The following SEMA4F variants were observed in gnomAD, a reference collection of about 807,000 sequenced individuals.
SEMA4F encodes the protein semaphorin-4F.
In SEMA4F, 51 loss-of-function variants were observed where a neutral mutation model predicts 78.4. The ratio of observed to expected loss-of-function variants is 0.65; its 90% CI spans 0.52 to 0.82. The LOEUF (loss-of-function observed/expected upper bound fraction) is 0.82, where lower values mean the gene tolerates loss of function less well. Ranked by LOEUF, SEMA4F falls within the 40% of genes least tolerant of loss-of-function variation. The pLI, the probability that SEMA4F is intolerant of heterozygous loss-of-function variation, is 0.00. For synonymous variants in SEMA4F, 418 were observed against 408.7 expected (o/e 1.02, Z -0.27); for missense variants, 938 against 1,014.4 (o/e 0.92, Z 1.02).
chr2:74,668,188 C>G (rs1038278788), intron 5 of SEMA4F, among the ~76,000 whole-genome samples: 4 of 152,302 alleles, frequency 2.6e-5, no homozygotes, highest in South Asian at 4.1e-4. Flanking sequence ...GAAGACTGCT[C>G]TTTCTCTTTG....
At position 74,654,356 on chromosome 2, in the gene SEMA4F, C is replaced by A; in HGVS notation, c.-21C>A. ...CAGAGGCCGTAGCTTGCGCCGCACCCGCGGCCAGGCGGAGCCAAAGATGCC... is the reference window on the plus strand; with the variant it reads ...CAGAGGCCGTAGCTTGCGCCGCACCAGCGGCCAGGCGGAGCCAAAGATGCC... On this transcript the variant is annotated 5_prime_UTR_variant, in exon 1 of 14. Transcript: ENST00000357877. The A allele has an allele frequency of 1.4e-6, 2 of 1,470,190 alleles. No homozygotes were observed. The highest frequency in any genetic ancestry group is 1.8e-6 in the Non-Finnish European group (2 of 1,118,416). 91.1% of individuals were successfully genotyped at this position (1,470,190 alleles called of 1,614,324 possible).
intron 5 of SEMA4F, among the ~76,000 whole-genome samples, chr2:74,668,642 G>T (rs1456561753): frequency 2.0e-5 from 3 of 147,988 alleles, no homozygotes; most frequent in African/African-American, 7.5e-5. Flanking sequence ...ACAGAGTCTT[G>T]CTCTGTCGCC....
chr2:74,665,936 C>CT (rs1684674859), intron 5 of SEMA4F, among the ~76,000 whole-genome samples: 1 of 147,662 alleles, frequency 6.8e-6, no homozygotes, highest in African/African-American at 2.5e-5. Flanking sequence ...GAGACGGAGT[C>CT]TCGCTCTGTC....
intron 4 of SEMA4F, among the ~76,000 whole-genome samples, chr2:74,662,100 T>G (rs917109272): frequency 6.6e-6 from 1 of 150,406 alleles, no homozygotes; most frequent in Non-Finnish European, 1.5e-5. Flanking sequence ...AGGAAGGTAC[T>G]TACTACCAAA....
rs28606560 is a variant in SEMA4F, at chr2:74,671,344, G to A, written c.551-2113G>A. Among the ~76,000 whole-genome samples the A allele has an allele frequency of 4.6e-3, 696 of 152,246 alleles. 6 individuals are homozygous for A. The highest frequency in any genetic ancestry group is 0.016 in the African/African-American group (668 of 41,544). ...GTTACCTTTCTGGTGCCTGAGACAC[G>A]CTGCTTCTCTGGAGCATCTGTGACC... is the stretch of plus-strand genomic sequence containing the variant. On this transcript the variant is annotated intron_variant, in intron 5 of 13. Transcript: ENST00000357877.
the SEMA4F span, among the ~76,000 whole-genome samples, chr2:74,708,377 C>A: frequency 1.3e-5 from 2 of 152,274 alleles, no homozygotes; most frequent in Non-Finnish European, 2.9e-5. Context: ...GGCACCCCAA[C>A]CCTTCCTTGC....
chr2:74,678,561 C>G (rs901281748), intron 12 of SEMA4F, among the ~76,000 whole-genome samples: 1 of 152,108 alleles, frequency 6.6e-6, no homozygotes, highest in Non-Finnish European at 1.5e-5. Context: ...GTGTTCAGAC[C>G]TTTTCACTGA....
At chr2:74,669,888 AG>A (rs1394348223) in intron 5 of SEMA4F, among the ~76,000 whole-genome samples, 3 of 152,062 alleles carry the variant, frequency 2.0e-5, no homozygotes, top group Non-Finnish European at 2.9e-5. Flanking sequence ...AAAATATCTT[AG>A]TTTTTTTTGC....
rs752906108 is a variant in SEMA4F, at chr2:74,680,164, G to A, written c.2268G>A (p.Arg756=). 1.9e-5 allele frequency: 30 copies of A among 1,597,702 alleles called. No individual in the cohort carries two copies. Among genetic ancestry groups the A allele is most frequent in the Non-Finnish European group, 2.5e-5 (29 of 1,168,178 alleles). ...LDPCPSPAHI[R]LTGAPLATCD... Reference sequence around the variant, plus strand: ...CTTGCCCAAGCCCAGCCCACATTCGGCTAACTGGGGCTCCTCTAGCCACAT... The same window carrying A: ...CTTGCCCAAGCCCAGCCCACATTCGACTAACTGGGGCTCCTCTAGCCACAT... The change falls in exon 14 of 14, where the codon CGG becomes CGA. Residue 756 remains arginine, a synonymous_variant. Transcript: ENST00000357877.
At chr2:74,708,132 G>GA in the SEMA4F span, among the ~76,000 whole-genome samples, 26 of 148,414 alleles carry the variant, frequency 1.8e-4, no homozygotes, top group Non-Finnish European at 2.7e-4. Flanking sequence ...CAGCACCCTT[G>GA]AAAAAAAAAA....
the SEMA4F span, among the ~76,000 whole-genome samples, chr2:74,690,450 G>A: frequency 1.3e-5 from 2 of 151,840 alleles, no homozygotes; most frequent in Non-Finnish European, 2.9e-5. Context: ...AATAAGTGAA[G>A]GAAAAAAATG....
Position 74,675,257 on chromosome 2 carries a change from C to T in SEMA4F, c.1245C>T (p.Asp415=), listed in dbSNP as rs955251263. Residue 415 remains aspartate (D), a synonymous_variant, in exon 10 of 14, where the codon GAC becomes GAT. Coordinates refer to ENST00000357877, the MANE Select transcript of SEMA4F (RefSeq NM_004263.5). ...TCATCCGGGACCACCCACTCATGGA[C>T]AGGCCAGTGTTTCCAGCTGATGGCC... ...LTFIRDHPLM[D]RPVFPADGHP... The T allele has an allele frequency of 1.1e-5, 18 of 1,614,090 alleles. No homozygotes were observed. The highest frequency in any genetic ancestry group is 1.7e-5 in the Admixed American group (1 of 60,010).
intron 13 of SEMA4F, 129 bp from the exon 14 acceptor site, chr2:74,679,470 C>G (rs1243877966): frequency 1.3e-6 from 2 of 1,487,292 alleles, no homozygotes; most frequent in Non-Finnish European, 1.8e-6. Flanking sequence ...GCCTTAGCCT[C>G]TTTAGGAATC....
At chr2:74,655,514 A>C (rs1162458854) in intron 1 of SEMA4F, 1 of 162,836 alleles carries the variant, frequency 6.1e-6, no homozygotes, top group Non-Finnish European at 1.4e-5. Flanking sequence ...TGGACTGGTT[A>C]ATAGTAGTTT....
Position 74,678,496 on chromosome 2 carries a change from A to G in SEMA4F, c.1644-780A>G, listed in dbSNP as rs182442106. 6.9e-4 allele frequency among the ~76,000 whole-genome samples: 105 copies of G among 152,322 alleles called. 1 individual carries two copies. Among genetic ancestry groups the G allele is most frequent in the Admixed American group, 6.7e-3 (102 of 15,302 alleles). On this transcript the variant is annotated intron_variant, in intron 12 of 13. Transcript: ENST00000357877. ...TTGGGAGCTCATTTCAGGGACCTCA[A>G]TTCATATTGAAGGAGTTCATACTCA...
At chr2:74,662,051 G>T (rs2104934887) in intron 4 of SEMA4F, among the ~76,000 whole-genome samples, 2 of 152,246 alleles carry the variant, frequency 1.3e-5, no homozygotes, top group South Asian at 4.1e-4. Context: ...TACACCTCTT[G>T]TTCCTTGCCC....
In SEMA4F at chr2:74,680,041, C is replaced by A; in HGVS notation, c.2145C>A (p.Asp715Glu). 1 of 1,614,130 alleles carries A rather than the reference C, an allele frequency of 6.2e-7. No homozygotes were observed. The highest frequency in any genetic ancestry group is 8.5e-7 in the Non-Finnish European group (1 of 1,179,972). The change falls in exon 14 of 14, where the codon GAC (aspartate) becomes GAA (glutamate). Residue 715 changes from aspartate (D) to glutamate (E), a missense_variant. Asp to Glu is a conservative substitution (Grantham distance 45). Coordinates refer to ENST00000357877, the MANE Select transcript of SEMA4F (RefSeq NM_004263.5). ...CTGGGACCACAAGCTACAGCCAAGA[C>A]CCTCCCTCCCCCTCTCCTGAAGATG... ...PPSGTTSYSQ[D>E]PPSPSPEDER...
At chr2:74,690,655 T>C in the SEMA4F span, among the ~76,000 whole-genome samples, 1 of 152,246 alleles carries the variant, frequency 6.6e-6, no homozygotes, top group Admixed American at 6.5e-5. Context: ...CTATTTCTAA[T>C]TTTTTATTTT....
At chr2:74,684,256 T>TA (rs1573277711), downstream of SEMA4F, among the ~76,000 whole-genome samples, 1 of 152,322 alleles carries the variant, frequency 6.6e-6, no homozygotes, top group Non-Finnish European at 1.5e-5. Flanking sequence ...ATGCTACCTC[T>TA]ACAAAGGTTT....
Sources: allele counts gnomAD v4.1 joint callset (sites outside exome capture counted in the v4.1 genomes callset), GRCh38; gene constraint gnomAD v4.1.1; transcripts MANE v1.5; gene names NCBI Gene and HGNC (gene_info 2026-07-23, HGNC 2026-07-21).